The following CSMD1 variants were observed in gnomAD, a reference collection of about 807,000 sequenced individuals.
CSMD1 encodes CUB and Sushi multiple domains 1.
In CSMD1, 213 loss-of-function variants were observed where a neutral mutation model predicts 417.5. That is an observed-to-expected ratio of 0.51 (90% CI 0.46 to 0.57). CSMD1 has a LOEUF of 0.57. CSMD1 is among the 20% of genes least tolerant of loss of function. CSMD1 has a pLI of 0.00. For synonymous variants in CSMD1, 2,862 were observed against 1,736.8 expected (o/e 1.65, Z -16.11); for missense variants, 6,923 against 4,529.7 (o/e 1.53, Z -15.17).
chr8:3,335,971 G>A (rs1003624470), intron 23 of CSMD1, among the ~76,000 whole-genome samples: 6 of 152,080 alleles, frequency 3.9e-5, no homozygotes, highest in Admixed American at 6.6e-5. Flanking sequence ...TTTATTTTGG[G>A]CTAATTTACA....
chr8:3,785,112 G>C (rs1029208356), intron 5 of CSMD1, among the ~76,000 whole-genome samples: 3 of 152,130 alleles, frequency 2.0e-5, no homozygotes, highest in African/African-American at 7.2e-5. Context: ...TTGAATCCTG[G>C]TCCTACCTCT....
chr8:3,533,147 A>C (rs773563746), intron 10 of CSMD1, among the ~76,000 whole-genome samples: 9 of 152,224 alleles, frequency 5.9e-5, no homozygotes, highest in Non-Finnish European at 1.0e-4. Context: ...GCAGAGGAAG[A>C]AATTTAAAGA....
chr8:3,288,427 C>T (rs936932654), intron 25 of CSMD1, among the ~76,000 whole-genome samples: 4 of 147,074 alleles, frequency 2.7e-5, no homozygotes, highest in Non-Finnish European at 5.9e-5. Context: ...TCCATCTGGT[C>T]CTGGACTTTT....
At chr8:4,167,535 A>G (rs564086056) in intron 3 of CSMD1, among the ~76,000 whole-genome samples, 47 of 152,308 alleles carry the variant, frequency 3.1e-4, no homozygotes, top group East Asian at 1.4e-3. Flanking sequence ...TCTGATTTAT[A>G]TAAAATCTTG....
rs746490647 is a variant in CSMD1 at position 3,054,744 on chromosome 8, C to T, written c.7475-2097G>A. 2.6e-5 allele frequency among the ~76,000 whole-genome samples: 4 copies of T among 152,112 alleles called. No individual in the cohort carries two copies. The East Asian group carries it at 5.8e-4, about 22-fold the overall frequency. On this transcript the variant is annotated intron_variant, in intron 49 of 69. Coordinates refer to ENST00000635120, the MANE Select transcript of CSMD1 (RefSeq NM_033225.6). The stretch of plus-strand genomic sequence containing the variant: ...GTGTAGTACATGTGTGTATGGCATA[C>T]TACAATAATCCATTTGCAGTAGAAG...
At chr8:3,227,587 G>T (rs1265098289) in intron 27 of CSMD1, among the ~76,000 whole-genome samples, 1 of 152,066 alleles carries the variant, frequency 6.6e-6, no homozygotes, top group South Asian at 2.1e-4. Context: ...AATATTGGTA[G>T]ATTCAAACAA....
intron 5 of CSMD1, among the ~76,000 whole-genome samples, chr8:3,795,957 C>G (rs866220226): frequency 2.5e-5 from 1 of 39,292 alleles, no homozygotes; most frequent in East Asian, 6.9e-4. Flanking sequence ...CTATCATGTA[C>G]AGATATAGAT....
chr8:4,621,240 T>A (rs2130815097), intron 2 of CSMD1, among the ~76,000 whole-genome samples: 1 of 152,248 alleles, frequency 6.6e-6, no homozygotes, highest in East Asian at 1.9e-4. Flanking sequence ...TTTAATTTCA[T>A]GTACATCTTA....
At chr8:3,141,789 C>CGCCAAATTA (rs1818499595) in intron 41 of CSMD1, among the ~76,000 whole-genome samples, 1 of 130,078 alleles carries the variant, frequency 7.7e-6, no homozygotes, top group South Asian at 2.7e-4. Context: ...AGCCCCTGCC[C>CGCCAAATTA]GCCAAATTAT....
intron 41 of CSMD1, among the ~76,000 whole-genome samples, chr8:3,136,162 G>C (rs953207823): frequency 9.9e-5 from 15 of 151,860 alleles, no homozygotes; most frequent in African/African-American, 3.6e-4. Context: ...GTTAGTCCTA[G>C]AATATGATCA....
chr8:4,639,890 T>G lies in CSMD1; in HGVS notation c.86-2332A>C, dbSNP rs566105056. On this transcript the variant is annotated intron_variant, in intron 1 of 69. Coordinates refer to ENST00000635120, the MANE Select transcript of CSMD1 (RefSeq NM_033225.6). ...TAAAAAGCCCATTTTCCACTAAATT[T>G]AAGTCCAATAATAACACTGTAACAA... 4.6e-5 allele frequency among the ~76,000 whole-genome samples: 7 copies of G among 152,306 alleles called. No individual in the cohort carries two copies. In the South Asian group the frequency reaches 1.2e-3, roughly 27 times the overall value.
intron 2 of CSMD1, among the ~76,000 whole-genome samples, chr8:4,476,210 G>T (rs895076456): frequency 6.6e-6 from 1 of 151,832 alleles, no homozygotes; most frequent in Non-Finnish European, 1.5e-5. Context: ...CTTTTTAACA[G>T]AAAATAAAAC....
chr8:4,366,488 T>G (rs1802080122), intron 3 of CSMD1, among the ~76,000 whole-genome samples: 1 of 152,188 alleles, frequency 6.6e-6, no homozygotes, highest in Non-Finnish European at 1.5e-5. Flanking sequence ...TTTTAAGTTC[T>G]TCGATAAAAC....
chr8:4,584,933 AG>A (rs1799624615), intron 2 of CSMD1, among the ~76,000 whole-genome samples: 3 of 152,190 alleles, frequency 2.0e-5, no homozygotes. Context: ...TAAGGAGATC[AG>A]CCCCAGTCTA....
At chr8:4,182,559 G>A (rs899816845) in intron 3 of CSMD1, among the ~76,000 whole-genome samples, 2 of 152,108 alleles carry the variant, frequency 1.3e-5, no homozygotes, top group Non-Finnish European at 2.9e-5. Flanking sequence ...CAAACATAAT[G>A]ATGTATGATC....
At chr8:4,251,572 G>A (rs1289018087) in intron 3 of CSMD1, among the ~76,000 whole-genome samples, 2 of 152,288 alleles carry the variant, frequency 1.3e-5, no homozygotes, top group African/African-American at 4.8e-5. Flanking sequence ...TCCCACAGGT[G>A]ACTCTATCCC....
At chr8:4,718,426 C>T (rs1268858617) in intron 1 of CSMD1, among the ~76,000 whole-genome samples, 1 of 152,102 alleles carries the variant, frequency 6.6e-6, no homozygotes, top group African/African-American at 2.4e-5. Context: ...TAAAACCAGG[C>T]TGATTCTTAA....
intron 1 of CSMD1, among the ~76,000 whole-genome samples, chr8:4,941,203 C>G (rs1279706505): frequency 6.6e-6 from 1 of 152,136 alleles, no homozygotes; most frequent in Non-Finnish European, 1.5e-5. Context: ...AACATTCATT[C>G]TTGTTTCAAA....
intron 4 of CSMD1, among the ~76,000 whole-genome samples, chr8:4,004,241 G>C (rs368962799): frequency 1.3e-5 from 2 of 151,976 alleles, no homozygotes; most frequent in Admixed American, 6.6e-5. Flanking sequence ...TCAAGAAATA[G>C]TTTAACATCT....
Sources: allele counts gnomAD v4.1 joint callset (sites outside exome capture counted in the v4.1 genomes callset), GRCh38; gene constraint gnomAD v4.1.1; transcripts MANE v1.5; gene names NCBI Gene and HGNC (gene_info 2026-07-23, HGNC 2026-07-21).